EVA1A: variants seen among roughly 807,000 people sequenced by gnomAD.
The protein encoded by EVA1A is protein eva-1 homolog A.
In EVA1A, 7 loss-of-function variants were observed where a neutral mutation model predicts 9.8. The ratio of observed to expected loss-of-function variants is 0.71; its 90% CI spans 0.41 to 1.34. EVA1A has a LOEUF of 1.34. EVA1A is among the 40% of genes most tolerant of loss of function. The probability of loss-of-function intolerance (pLI) is 0.01; values close to 1 mark genes in which losing one functional copy is unlikely to be tolerated. For synonymous variants in EVA1A, 90 were observed against 85.6 expected (o/e 1.05, Z -0.28); for missense variants, 206 against 205.9 (o/e 1.00, Z 0.00).
chr2:75,544,891 A>G (rs1381046373), intron 1 of EVA1A, among the ~76,000 whole-genome samples: 1 of 152,234 alleles, frequency 6.6e-6, no homozygotes, highest in Non-Finnish European at 1.5e-5. Flanking sequence ...ATAATTTCCA[A>G]TATCTAGCTG....
At chr2:75,555,663 G>A (rs1676685938) in intron 1 of EVA1A, among the ~76,000 whole-genome samples, 1 of 152,074 alleles carries the variant, frequency 6.6e-6, no homozygotes, top group South Asian at 2.1e-4. Flanking sequence ...TATTCAAAGA[G>A]CTCAGCACAC....
At chr2:75,554,125 T>C (rs550664964) in intron 1 of EVA1A, among the ~76,000 whole-genome samples, 1 of 152,270 alleles carries the variant, frequency 6.6e-6, no homozygotes, top group East Asian at 1.9e-4. Flanking sequence ...AAAGTCCCCT[T>C]GCAGAAACAA....
chr2:75,548,026 A>C (rs912748902), intron 1 of EVA1A, among the ~76,000 whole-genome samples: 1 of 152,232 alleles, frequency 6.6e-6, no homozygotes, highest in African/African-American at 2.4e-5. Context: ...TTACAGAAAA[A>C]GTCTGCCAGG....
intron 3 of EVA1A, among the ~76,000 whole-genome samples, chr2:75,497,370 C>T (rs1249507987): frequency 2.0e-5 from 3 of 151,962 alleles, no homozygotes; most frequent in Non-Finnish European, 1.5e-5. Flanking sequence ...GAGCACAGGA[C>T]ATGAAAAGAC....
At chr2:75,545,891 T>C (rs1355055005) in intron 1 of EVA1A, among the ~76,000 whole-genome samples, 1 of 151,736 alleles carries the variant, frequency 6.6e-6, no homozygotes, top group African/African-American at 2.4e-5. Context: ...CCCCCAGAGG[T>C]CAGTCTCAAA....
intron 3 of EVA1A, among the ~76,000 whole-genome samples, chr2:75,497,479 C>T (rs533463294): frequency 1.1e-4 from 17 of 152,108 alleles, no homozygotes; most frequent in East Asian, 5.8e-4. Context: ...AAAACCACGA[C>T]GAGATACCAT....
intron 1 of EVA1A, among the ~76,000 whole-genome samples, chr2:75,567,186 T>G (rs894477288): frequency 6.6e-6 from 1 of 152,236 alleles, no homozygotes; most frequent in African/African-American, 2.4e-5. Context: ...ATTTTTATAT[T>G]GAAAATACCA....
At chr2:75,497,642 G>A (rs1674258327) in intron 3 of EVA1A, among the ~76,000 whole-genome samples, 1 of 151,876 alleles carries the variant, frequency 6.6e-6, no homozygotes, top group South Asian at 2.1e-4. Flanking sequence ...TTGAGTTCAG[G>A]AAGCTTGAGA....
At chr2:75,513,090 C>T (rs1572956767) in intron 3 of EVA1A, among the ~76,000 whole-genome samples, 1 of 152,064 alleles carries the variant, frequency 6.6e-6, no homozygotes, top group East Asian at 1.9e-4. Context: ...CATTTGGCAG[C>T]CATGAGATGA....
At chr2:75,546,125 T>C (rs1260568826) in intron 1 of EVA1A, among the ~76,000 whole-genome samples, 1 of 152,088 alleles carries the variant, frequency 6.6e-6, no homozygotes, top group Non-Finnish European at 1.5e-5. Flanking sequence ...GCCTGGTGTG[T>C]TCTGCAAGGG....
chr2:75,494,861 A>G (rs945236661), intron 3 of EVA1A, among the ~76,000 whole-genome samples: 1 of 152,214 alleles, frequency 6.6e-6, no homozygotes, highest in Admixed American at 6.5e-5. Flanking sequence ...GGTTAACTGA[A>G]AGGGGAGGAG....
Position 75,518,191 on chromosome 2 carries a change from C to A in EVA1A, c.-51G>T. The A allele has an allele frequency of 6.2e-7, 1 of 1,601,886 alleles. No individual in the cohort carries two copies. The highest frequency in any genetic ancestry group is 1.1e-5 in the South Asian group (1 of 88,590). On this transcript the variant is annotated 5_prime_UTR_variant, in exon 3 of 4. Transcript: ENST00000393913. ...AGGTGCTTGGCTGAATCAACGTGGC[C>A]ACTCTCCTTCTTCTCTTCTGTTTGG...
chr2:75,559,330 A>C (rs1054087168), intron 1 of EVA1A, among the ~76,000 whole-genome samples: 17 of 152,314 alleles, frequency 1.1e-4, no homozygotes, highest in Non-Finnish European at 2.1e-4. Flanking sequence ...ATTCCGTTGA[A>C]AACCATTACT....
intron 3 of EVA1A, among the ~76,000 whole-genome samples, chr2:75,500,547 A>G (rs2103784514): frequency 1.3e-5 from 2 of 152,284 alleles, no homozygotes; most frequent in South Asian, 4.1e-4. Context: ...GAAAGGAGGA[A>G]ATTCATCCAT....
intron 3 of EVA1A, among the ~76,000 whole-genome samples, chr2:75,516,036 G>C (rs1674995790): frequency 6.6e-6 from 1 of 152,232 alleles, no homozygotes; most frequent in Admixed American, 6.5e-5. Context: ...TAGGAGAGGA[G>C]GCAACAGATG....
chr2:75,564,216 GA>G (rs1312531008), upstream of EVA1A, among the ~76,000 whole-genome samples: 2 of 152,346 alleles, frequency 1.3e-5, no homozygotes, highest in African/African-American at 2.4e-5. Context: ...GGAGAGGTTG[GA>G]ACGCACAGGC....
intron 1 of EVA1A, among the ~76,000 whole-genome samples, chr2:75,536,526 GA>G (rs1273791407): frequency 2.0e-5 from 3 of 151,326 alleles, no homozygotes; most frequent in Admixed American, 6.6e-5. Context: ...GAGGGTCTTT[GA>G]AAAAAAATCT....
intron 1 of EVA1A, among the ~76,000 whole-genome samples, chr2:75,568,444 G>T (rs1677067105): frequency 6.6e-6 from 1 of 151,246 alleles, no homozygotes; most frequent in Admixed American, 6.6e-5. Context: ...CCCATTTCTA[G>T]ATATTGTCCT....
chr2:75,534,002 C>T (rs1312112909), intron 1 of EVA1A, among the ~76,000 whole-genome samples: 9 of 151,684 alleles, frequency 5.9e-5, no homozygotes, highest in Non-Finnish European at 1.0e-4. Context: ...TTAGTAGAGA[C>T]GGGGTTTCAC....
Sources: allele counts gnomAD v4.1 joint callset (sites outside exome capture counted in the v4.1 genomes callset), GRCh38; gene constraint gnomAD v4.1.1; transcripts MANE v1.5; gene names NCBI Gene and HGNC (gene_info 2026-07-23, HGNC 2026-07-21).